Variants in ADAMTS7 observed in about 807,000 individuals in gnomAD.
ADAMTS7 encodes the protein A disintegrin and metalloproteinase with thrombospondin motifs 7.
A neutral mutation model predicts 172.6 loss-of-function variants in ADAMTS7; 89 were observed. The ratio of observed to expected loss-of-function variants is 0.52; its 90% CI spans 0.43 to 0.61. ADAMTS7 has a LOEUF of 0.61. Ranked by LOEUF, ADAMTS7 falls within the 20% of genes least tolerant of loss-of-function variation. The pLI, the probability that ADAMTS7 is intolerant of heterozygous loss-of-function variation, is 0.00. For missense variants in ADAMTS7, 1,973 were observed against 2,355.6 expected (o/e 0.84, Z 3.36); for synonymous variants, 885 against 978.4 (o/e 0.90, Z 1.78).
At chr15:78,765,058 C>G (rs1161314551) in intron 19 of ADAMTS7, 3 of 259,854 alleles carry the variant, frequency 1.2e-5, no homozygotes, top group Non-Finnish European at 1.5e-5. Context: ...AAGGCTGGGT[C>G]CTGGTACCAG....
chr15:78,768,192 G>T lies in ADAMTS7; in HGVS notation c.2586C>A (p.Asp862Glu). 6.2e-7 allele frequency: 1 copy of T among 1,609,976 alleles called. No homozygotes were observed. The change falls in exon 17 of 24, where the codon GAC becomes GAA. Residue 862 changes from aspartate to glutamate, a missense_variant. By Grantham distance (45) the Asp-to-Glu change is conservative. This residue lies in a region of ADAMTS7 where 771 missense variants were observed against 952.6 expected (regional missense o/e 0.81). Transcript: ENST00000388820. Reference protein sequence around the residue: ...QAGPVDEEHCDPLGRPDDQQR... With the variant: ...QAGPVDEEHCEPLGRPDDQQR... ...GTTGGTCATCAGGCCGGCCCAGGGG[G>T]TCACAGTGCTCCTCGTCCACGGGCC...
In ADAMTS7 at chr15:78,798,043, C is replaced by G. The variant is rs774118007; in HGVS notation, c.527G>C (p.Gly176Ala). 6.4e-7 allele frequency: 1 copy of G among 1,569,748 alleles called. No individual in the cohort carries two copies. The highest frequency in any genetic ancestry group is 1.2e-5 in the South Asian group (1 of 84,536). Residue 176 changes from glycine to alanine, a missense_variant, in exon 3 of 24, where the codon GGC (glycine) becomes GCC (alanine). This residue lies in a region of ADAMTS7 where 306 missense variants were observed against 288.0 expected (regional missense o/e 1.06). Coordinates refer to ENST00000388820, the MANE Select transcript of ADAMTS7 (RefSeq NM_014272.5). The stretch of plus-strand genomic sequence containing the variant: ...GTACACCACATGGGGCTGGGCGTGG[C>G]CAGGCCGGGCCGGGGCACTGTCCAG... ...EPLDSAPARPGHAQPHVVYKR... is the reference protein window; with the variant it reads ...EPLDSAPARPAHAQPHVVYKR...
At position 78,789,425 on chromosome 15, in the gene ADAMTS7, G is replaced by A. The variant is rs149464699; in HGVS notation, c.1178+264C>T. ...AGCCAAAGACCTACAATGATTTTCC[G>A]GCCCATCACAACTCCCCTTTAAATA... is the stretch of plus-strand genomic sequence containing the variant. On this transcript the variant is annotated intron_variant, in intron 7 of 23. Coordinates refer to ENST00000388820, the MANE Select transcript of ADAMTS7 (RefSeq NM_014272.5). Among the ~76,000 whole-genome samples the A allele has an allele frequency of 1.7e-3, 263 of 152,326 alleles. 1 individual carries two copies. The highest frequency in any genetic ancestry group is 5.8e-3 in the African/African-American group (243 of 41,580).
chr15:78,808,394 G>A (rs775753298), intron 1 of ADAMTS7, among the ~76,000 whole-genome samples: 16 of 152,030 alleles, frequency 1.1e-4, no homozygotes, highest in Admixed American at 7.2e-4. Flanking sequence ...GCACCACCAT[G>A]TCCAGCTAAT....
intron 1 of ADAMTS7, among the ~76,000 whole-genome samples, chr15:78,801,900 G>A (rs1261007927): frequency 6.6e-6 from 1 of 151,434 alleles, no homozygotes; most frequent in Non-Finnish European, 1.5e-5. Flanking sequence ...TGTTACCCAG[G>A]CTGGTCTCAA....
chr15:78,774,013 G>A (rs62012625), intron 13 of ADAMTS7, among the ~76,000 whole-genome samples, 154 bp downstream of exon 13: 1 of 152,162 alleles, frequency 6.6e-6, no homozygotes, highest in East Asian at 1.9e-4. Context: ...GCATGGGGAG[G>A]GTGGCCCGAG....
chr15:78,768,695 G>C (rs973418921), intron 16 of ADAMTS7, among the ~76,000 whole-genome samples: 1 of 152,224 alleles, frequency 6.6e-6, no homozygotes, highest in Non-Finnish European at 1.5e-5. Context: ...CATCCTAAGA[G>C]CTCGATCCAT....
At position 78,766,782 on chromosome 15, in the gene ADAMTS7, G is replaced by A. The variant is rs748950074; in HGVS notation, c.3129C>T (p.Asn1043=). The A allele has an allele frequency of 3.4e-5, 55 of 1,610,406 alleles. No homozygotes were observed. In the South Asian group the frequency reaches 4.3e-4, roughly 13 times the overall value. The change falls in exon 19 of 24, where the codon AAC becomes AAT. Residue 1043 remains asparagine (N), a synonymous_variant. Coordinates refer to ENST00000388820, the MANE Select transcript of ADAMTS7 (RefSeq NM_014272.5). ...GCTCTGGAGCCTCCTCCTCAATGGC[G>A]TTGCCCATGGTGCCTGGCTTGGGTG... ...ASSPKPGTMG[N]AIEEEAPELD...
At chr15:78,785,113 G>T (rs1320031481) in intron 8 of ADAMTS7, among the ~76,000 whole-genome samples, 1 of 152,202 alleles carries the variant, frequency 6.6e-6, no homozygotes, top group Non-Finnish European at 1.5e-5. Context: ...GAGGGTCCAA[G>T]AAAGAAGGGA....
rs76539511 is a variant in ADAMTS7 at position 78,765,560 on chromosome 15, T to C, written c.4266+85A>G. The C allele has an allele frequency of 0.019, 29,340 of 1,576,994 alleles. 4,332 individuals are homozygous for C. In the East Asian group the frequency reaches 0.37, roughly 20 times the overall value. On this transcript the variant is annotated intron_variant, in intron 19 of 23. Coordinates refer to ENST00000388820, the MANE Select transcript of ADAMTS7 (RefSeq NM_014272.5). ...AGAGAGGCTAGACAGACGGCGCCTG[T>C]GTCCCACTCTGCTCATTTTCAGATG... is the stretch of plus-strand genomic sequence containing the variant.
At chr15:78,797,024 C>G (rs1022452451) in intron 3 of ADAMTS7, among the ~76,000 whole-genome samples, 1 of 152,242 alleles carries the variant, frequency 6.6e-6, no homozygotes, top group African/African-American at 2.4e-5. Context: ...AATTGCCTCA[C>G]AGGGGGACCT....
At chr15:78,761,252 G>A (rs887096886) in intron 23 of ADAMTS7, among the ~76,000 whole-genome samples, 12 of 152,246 alleles carry the variant, frequency 7.9e-5, no homozygotes, top group Non-Finnish European at 1.3e-4. Context: ...AGAAGGCAGC[G>A]TTGGACAAGG....
rs146929742 is a variant in ADAMTS7 at position 78,774,701 on chromosome 15, C to A, written c.1799G>T (p.Arg600Leu). The change falls in exon 12 of 24, where the codon CGC becomes CTC. Residue 600 changes from arginine (R) to leucine (L), a missense_variant. Arg to Leu is a moderately radical substitution (Grantham distance 102). This residue lies in a region of ADAMTS7 where 526 missense variants were observed against 662.9 expected (regional missense o/e 0.79). Transcript: ENST00000388820. Reference sequence around the variant, plus strand: ...GTCAAAGTGGCTGCACTGGACGTGGCGGAAGGAGGGGCGGCCAGCAGGGCA... The same window carrying A: ...GTCAAAGTGGCTGCACTGGACGTGGAGGAAGGAGGGGCGGCCAGCAGGGCA... Reference protein sequence around the residue: ...QACPAGRPSFRHVQCSHFDAM... With the variant: ...QACPAGRPSFLHVQCSHFDAM... 1 of 1,611,630 alleles carries A rather than the reference C, an allele frequency of 6.2e-7. No individual in the cohort carries two copies. Among genetic ancestry groups the A allele is most frequent in the South Asian group, 1.1e-5 (1 of 90,990 alleles).
At chr15:78,777,974 A>C (rs2055376377) in intron 8 of ADAMTS7, among the ~76,000 whole-genome samples, 1 of 152,156 alleles carries the variant, frequency 6.6e-6, no homozygotes, top group Non-Finnish European at 1.5e-5. Flanking sequence ...GATCCGGAGA[A>C]CATCACATCA....
intron 1 of ADAMTS7, among the ~76,000 whole-genome samples, chr15:78,801,790 A>G (rs912767493): frequency 4.3e-4 from 65 of 151,958 alleles, no homozygotes; most frequent in African/African-American, 1.5e-3. Context: ...CCATCCTCCC[A>G]TCTCAGCCTC....
intron 13 of ADAMTS7, 128 bp downstream of exon 13, chr15:78,774,039 C>T: frequency 2.8e-6 from 4 of 1,443,590 alleles, no homozygotes; most frequent in East Asian, 5.0e-5. Context: ...CCAGGAGGGA[C>T]CCAGGAGAGA....
intron 10 of ADAMTS7, 36 bp downstream of exon 10, chr15:78,776,713 C>T (rs1410609759): frequency 5.2e-6 from 8 of 1,531,684 alleles, no homozygotes; most frequent in African/African-American, 1.4e-5. Context: ...TCTGGCCTCT[C>T]ACACACCCAC....
intron 6 of ADAMTS7, among the ~76,000 whole-genome samples, chr15:78,790,160 C>T (rs551980556): frequency 1.1e-4 from 17 of 152,230 alleles, no homozygotes; most frequent in East Asian, 1.9e-4. Context: ...CAGCAGTTGC[C>T]GGAGGTTAGG....
rs371299839 is a variant in ADAMTS7, at chr15:78,764,724, C to T, written c.4267-17G>A. ...GGTAGAGCACTGCGGGGCAGAGACC[C>T]GTGAAAGCCAGGCAGATCCCATCCC... On this transcript the variant is annotated splice_polypyrimidine_tract_variant and intron_variant, in intron 19 of 23. Transcript: ENST00000388820. 2.5e-4 allele frequency: 366 copies of T among 1,481,968 alleles called. 2 individuals carry two copies. The African/African-American group carries it at 2.8e-3, about 11-fold the overall frequency. The allele number at this position is 1,481,968 out of a possible 1,614,324, so 91.8% of individuals were successfully genotyped here.
Sources: gnomAD v4.1 joint callset for allele counts (sites outside exome capture counted in the v4.1 genomes callset) on GRCh38, gnomAD v4.1.1 for gene constraint, gnomAD v4.1.1 regional missense constraint, MANE v1.5 for transcripts, NCBI Gene and HGNC (gene_info 2026-07-23, HGNC 2026-07-21) for gene names.